CALCRL: variants seen among roughly 807,000 people sequenced by gnomAD.
CALCRL encodes the protein calcitonin receptor like receptor.
A neutral mutation model predicts 60.4 loss-of-function variants in CALCRL; 27 were observed. The ratio of observed to expected loss-of-function variants is 0.45; its 90% CI spans 0.33 to 0.62. CALCRL has a LOEUF of 0.62. CALCRL is among the 20% of genes least tolerant of loss of function. The pLI, the probability that CALCRL is intolerant of heterozygous loss-of-function variation, is 0.03. For missense variants in CALCRL, 424 were observed against 540.7 expected (o/e 0.78, Z 2.14); for synonymous variants, 190 against 182.6 (o/e 1.04, Z -0.33).
At chr2:187,412,247 G>A (rs896950184) in intron 1 of CALCRL, among the ~76,000 whole-genome samples, 11 of 152,086 alleles carry the variant, frequency 7.2e-5, no homozygotes, top group Non-Finnish European at 1.6e-4. Context: ...CCACTAGTCA[G>A]GATAGCTTGA....
chr2:187,351,738 C>G (rs1354114193), intron 14 of CALCRL, among the ~76,000 whole-genome samples, 182 bp downstream of exon 14: 1 of 151,728 alleles, frequency 6.6e-6, no homozygotes. Flanking sequence ...CCAATATGAC[C>G]TGAGCATTTG....
chr2:187,361,925 T>A (rs1687072110), intron 9 of CALCRL, among the ~76,000 whole-genome samples: 1 of 151,980 alleles, frequency 6.6e-6, no homozygotes, highest in South Asian at 2.1e-4. Flanking sequence ...AATGTACCTG[T>A]ATGTAAAACA....
chr2:187,385,899 G>A (rs909837522), intron 3 of CALCRL, among the ~76,000 whole-genome samples: 4 of 151,898 alleles, frequency 2.6e-5, no homozygotes, highest in South Asian at 2.1e-4. Flanking sequence ...ACAGGTGAGC[G>A]CCACCACACC....
chr2:187,442,617 G>A (rs1690970926), intron 1 of CALCRL, among the ~76,000 whole-genome samples: 1 of 151,664 alleles, frequency 6.6e-6, no homozygotes, highest in Non-Finnish European at 1.5e-5. Flanking sequence ...AAAAAAAATG[G>A]TCAAAAACAA....
chr2:187,390,393 A>T (rs1286333142), intron 1 of CALCRL, among the ~76,000 whole-genome samples: 3 of 152,168 alleles, frequency 2.0e-5, no homozygotes, highest in Non-Finnish European at 2.9e-5. Flanking sequence ...TTTTTTAATG[A>T]TTTACGCATG....
At position 187,380,464 on chromosome 2, in the gene CALCRL, T is replaced by C. The variant is rs1687938933; in HGVS notation, c.408+3A>G. Reference sequence around the variant, plus strand: ...TAAATTTCAATTCAGAATTATGACATACCTTCACTTTCTCGTGGGTGTTAA... The same window carrying C: ...TAAATTTCAATTCAGAATTATGACACACCTTCACTTTCTCGTGGGTGTTAA... On this transcript the variant is annotated splice_donor_region_variant and intron_variant, in intron 7 of 14. Coordinates refer to ENST00000392370, the MANE Select transcript of CALCRL (RefSeq NM_005795.6). 1.3e-6 allele frequency: 2 copies of C among 1,530,010 alleles called. No homozygotes were observed. Among genetic ancestry groups the C allele is most frequent in the Admixed American group, 1.7e-5 (1 of 59,656 alleles). 94.8% of individuals were successfully genotyped at this position (1,530,010 alleles called of 1,614,324 possible).
chr2:187,442,138 A>G (rs549931021), intron 1 of CALCRL: 236 of 147,996 alleles, frequency 1.6e-3, no homozygotes, highest in African/African-American at 5.7e-3. Context: ...ACATACATAC[A>G]CACACACATA....
chr2:187,436,681 G>A (rs1355570680), intron 1 of CALCRL: 5 of 152,164 alleles, frequency 3.3e-5, no homozygotes, highest in African/African-American at 1.2e-4. Context: ...CATGTCAACT[G>A]AAAATGGTAC....
chr2:187,390,849 A>G (rs1027613238), intron 1 of CALCRL, among the ~76,000 whole-genome samples: 5 of 152,150 alleles, frequency 3.3e-5, no homozygotes, highest in Non-Finnish European at 7.4e-5. Context: ...GTTAGCAGCC[A>G]TTCAAACACA....
chr2:187,443,038 T>C (rs1690995227), intron 1 of CALCRL, among the ~76,000 whole-genome samples: 1 of 151,914 alleles, frequency 6.6e-6, no homozygotes, highest in Non-Finnish European at 1.5e-5. Context: ...TTTTGTTTAA[T>C]ATACCTTTTT....
intron 1 of CALCRL, among the ~76,000 whole-genome samples, chr2:187,411,857 G>A (rs111917980): frequency 0.27 from 41,186 of 151,250 alleles, 6,066 homozygotes; most frequent in Middle Eastern, 0.41. Context: ...TTAGCCAGGC[G>A]TGGTGGCGGG....
intron 1 of CALCRL, among the ~76,000 whole-genome samples, chr2:187,439,036 C>T (rs1481831297): frequency 6.6e-6 from 1 of 152,120 alleles, no homozygotes; most frequent in Admixed American, 6.6e-5. Context: ...AAGAAACATT[C>T]ATTCATTTAT....
chr2:187,434,855 T>C (rs1225876389), intron 1 of CALCRL, among the ~76,000 whole-genome samples: 2 of 152,198 alleles, frequency 1.3e-5, no homozygotes, highest in East Asian at 3.9e-4. Flanking sequence ...CTTCAAAGAA[T>C]GTATTCAAGA....
At chr2:187,437,806 G>A (rs1200383894) in intron 1 of CALCRL, among the ~76,000 whole-genome samples, 1 of 152,120 alleles carries the variant, frequency 6.6e-6, no homozygotes, top group Non-Finnish European at 1.5e-5. Context: ...TTTTAAAAAT[G>A]TTTTGAGTAA....
chr2:187,430,404 T>C (rs1690348978), intron 1 of CALCRL, among the ~76,000 whole-genome samples: 1 of 152,222 alleles, frequency 6.6e-6, no homozygotes, highest in African/African-American at 2.4e-5. Context: ...TTATTGCCAT[T>C]TATTACGATG....
chr2:187,397,216 T>C (rs1688698311), intron 1 of CALCRL, among the ~76,000 whole-genome samples: 1 of 151,720 alleles, frequency 6.6e-6, no homozygotes, highest in Admixed American at 6.6e-5. Context: ...TAACACTGTA[T>C]GTGGAAAACT....
intron 14 of CALCRL, among the ~76,000 whole-genome samples, chr2:187,351,508 G>T (rs567194061): frequency 6.6e-6 from 1 of 151,740 alleles, no homozygotes; most frequent in South Asian, 2.1e-4. Context: ...TGTTTCCATA[G>T]GCTACATTGT....
chr2:187,384,586 T>G (rs762123601), intron 4 of CALCRL, among the ~76,000 whole-genome samples: 51 of 152,232 alleles, frequency 3.4e-4, no homozygotes, highest in Non-Finnish European at 6.9e-4. Flanking sequence ...GTGCAGGATT[T>G]GGACTGCTCC....
At chr2:187,390,679 C>T (rs1027462528) in intron 1 of CALCRL, among the ~76,000 whole-genome samples, 1 of 151,982 alleles carries the variant, frequency 6.6e-6, no homozygotes, top group Non-Finnish European at 1.5e-5. Flanking sequence ...CAAATAATTC[C>T]ACTTTTATAG....
Sources: gnomAD v4.1 joint callset for allele counts (sites outside exome capture counted in the v4.1 genomes callset) on GRCh38, gnomAD v4.1.1 for gene constraint, MANE v1.5 for transcripts, NCBI Gene and HGNC (gene_info 2026-07-23, HGNC 2026-07-21) for gene names.